The following GUCY1A2 variants were observed in gnomAD, a reference collection of about 807,000 sequenced individuals.
GUCY1A2 encodes guanylate cyclase soluble subunit alpha-2.
In GUCY1A2, 27 loss-of-function variants were observed where a neutral mutation model predicts 63.5. That is an observed-to-expected ratio of 0.43 (90% CI 0.31 to 0.59). The LOEUF (loss-of-function observed/expected upper bound fraction) is 0.59. Among genes scored for constraint, GUCY1A2 ranks in the 20% least tolerant of loss-of-function variants. The pLI is 0.11. For synonymous variants in GUCY1A2, 364 were observed against 343.5 expected, an observed-to-expected ratio of 1.06 and a Z score of -0.66; for missense variants, 768 against 913.3, an observed-to-expected ratio of 0.84 and a Z score of 2.05.
chr11:106,902,882 C>G (rs1265977978), intron 4 of GUCY1A2, among the ~76,000 whole-genome samples: 1 of 152,124 alleles, frequency 6.6e-6, no homozygotes, highest in Non-Finnish European at 1.5e-5. Context: ...AAATACTACA[C>G]TATTTTACAG....
At chr11:106,719,912 T>A (rs1389045244) in intron 6 of GUCY1A2, among the ~76,000 whole-genome samples, 6 of 152,220 alleles carry the variant, frequency 3.9e-5, no homozygotes, top group Non-Finnish European at 8.8e-5. Context: ...CCTCTACTGT[T>A]TGCCCAGGAA....
At chr11:106,985,341 C>G (rs893831461) in intron 2 of GUCY1A2, among the ~76,000 whole-genome samples, 2 of 152,216 alleles carry the variant, frequency 1.3e-5, no homozygotes, top group Non-Finnish European at 2.9e-5. Context: ...TAAATTTAGG[C>G]TTTCATACTT....
chr11:106,982,257 A>G lies in GUCY1A2; in HGVS notation c.366-3517T>C, dbSNP rs370859556. On this transcript the variant is annotated intron_variant, in intron 2 of 7. Transcript: ENST00000526355. Reference sequence around the variant, plus strand: ...GGCACTATGGCAAGAATTATATCAGAAAAAAAGTACCATTATAAACAGACA... The same window carrying G: ...GGCACTATGGCAAGAATTATATCAGGAAAAAAGTACCATTATAAACAGACA... Among the ~76,000 whole-genome samples, 6 of 152,296 alleles carry G rather than the reference A, an allele frequency of 3.9e-5. No individual in the cohort carries two copies. The East Asian group carries it at 7.7e-4, about 20-fold the overall frequency.
At chr11:106,783,033 C>T (rs1591275080) in intron 5 of GUCY1A2, among the ~76,000 whole-genome samples, 2 of 152,104 alleles carry the variant, frequency 1.3e-5, no homozygotes, top group African/African-American at 4.8e-5. Context: ...GGGACATACT[C>T]GAAGATAACC....
At chr11:106,947,564 GTAT>G (rs1565340255) in intron 3 of GUCY1A2, among the ~76,000 whole-genome samples, 1 of 151,940 alleles carries the variant, frequency 6.6e-6, no homozygotes. Context: ...ATGTACATAT[GTAT>G]TATATGTATG....
intron 2 of GUCY1A2, 92 bp downstream of exon 2, chr11:106,985,978 C>T (rs938193063): frequency 2.2e-5 from 17 of 768,986 alleles, no homozygotes; most frequent in Non-Finnish European, 3.5e-5. Flanking sequence ...TCAGGTTGAC[C>T]TGGGTAGCAG....
intron 6 of GUCY1A2, among the ~76,000 whole-genome samples, chr11:106,721,115 G>A (rs983418989): frequency 2.7e-5 from 4 of 149,030 alleles, no homozygotes; most frequent in Non-Finnish European, 5.9e-5. Flanking sequence ...CTGGAGTGCA[G>A]TGGTGCCATC....
chr11:106,871,820 G>A (rs1859682165), intron 4 of GUCY1A2, among the ~76,000 whole-genome samples: 1 of 152,148 alleles, frequency 6.6e-6, no homozygotes, highest in Non-Finnish European at 1.5e-5. Context: ...AATGTACTTT[G>A]ATTTAGAAGA....
At chr11:106,949,952 A>G (rs1475439499) in intron 3 of GUCY1A2, among the ~76,000 whole-genome samples, 1 of 152,240 alleles carries the variant, frequency 6.6e-6, no homozygotes, top group Non-Finnish European at 1.5e-5. Flanking sequence ...TCATATGTCC[A>G]GGCATAATAT....
chr11:106,893,372 A>G (rs1860000268), intron 4 of GUCY1A2, among the ~76,000 whole-genome samples: 1 of 152,208 alleles, frequency 6.6e-6, no homozygotes, highest in African/African-American at 2.4e-5. Context: ...GAAAGAGAAA[A>G]TAATTTAGTC....
chr11:106,991,263 G>A (rs535387699), intron 1 of GUCY1A2, among the ~76,000 whole-genome samples: 63 of 151,964 alleles, frequency 4.1e-4, no homozygotes, highest in African/African-American at 1.4e-3. Context: ...TTCTCAATGC[G>A]CTGGGATTAC....
intron 4 of GUCY1A2, chr11:106,826,599 T>G: frequency 1.9e-6 from 3 of 1,604,228 alleles, no homozygotes; most frequent in African/African-American, 1.3e-5. Flanking sequence ...ATTCATGATC[T>G]GAACCTAAGC....
At position 107,017,756 on chromosome 11, in the gene GUCY1A2, G is replaced by T; in HGVS notation, c.300C>A (p.Pro100=). The part of the protein sequence containing the change: ...LGESISRLTA[P]SPQTIQQTLK... Reference sequence around the variant, plus strand: ...CCCCCTTCCGCCCCCCGCTCACCGAGGGCGCCGTCAGGCGGCTGATGCTCT... The same window carrying T: ...CCCCCTTCCGCCCCCCGCTCACCGATGGCGCCGTCAGGCGGCTGATGCTCT... Residue 100 remains proline (P), a synonymous_variant, in exon 1 of 8, where the codon CCC becomes CCA. Transcript: ENST00000526355. 7.1e-7 allele frequency: 1 copy of T among 1,410,220 alleles called. No individual in the cohort carries two copies. Among genetic ancestry groups the T allele is most frequent in the South Asian group, 1.6e-5 (1 of 64,208 alleles). 87.4% of individuals were successfully genotyped at this position (1,410,220 alleles called of 1,614,324 possible).
chr11:106,716,587 G>A (rs1049228672), intron 6 of GUCY1A2, among the ~76,000 whole-genome samples: 6 of 151,854 alleles, frequency 4.0e-5, no homozygotes, highest in Non-Finnish European at 8.8e-5. Flanking sequence ...AAACTGGCAA[G>A]GGTATGACAG....
At chr11:106,824,886 G>A (rs1381522130) in intron 4 of GUCY1A2, 7 of 1,612,436 alleles carry the variant, frequency 4.3e-6, no homozygotes, top group East Asian at 4.5e-5. Context: ...CCAGAAGAAG[G>A]CTGCAAACAT....
rs539025011 is a variant in GUCY1A2 at position 106,828,388 on chromosome 11, A to G, written c.1207-17910T>C. Among the ~76,000 whole-genome samples, 87 of 152,216 alleles carry G rather than the reference A, an allele frequency of 5.7e-4. 1 individual carries two copies. The highest frequency in any genetic ancestry group is 2.0e-3 in the African/African-American group (85 of 41,554). On this transcript the variant is annotated intron_variant, in intron 4 of 7. Coordinates refer to ENST00000526355, the MANE Select transcript of GUCY1A2 (RefSeq NM_000855.3). ...TTGATTTTTGATTATGATGAGAGAT[A>G]GGAGTTCAGTTGTATTCTTATGTGT...
chr11:106,925,038 A>G (rs762011122), intron 4 of GUCY1A2, among the ~76,000 whole-genome samples: 2 of 152,096 alleles, frequency 1.3e-5, no homozygotes, highest in Non-Finnish European at 2.9e-5. Flanking sequence ...ACCATGTATC[A>G]TCATCATCAC....
At chr11:106,885,099 C>A (rs184317601) in intron 4 of GUCY1A2, among the ~76,000 whole-genome samples, 3 of 152,102 alleles carry the variant, frequency 2.0e-5, no homozygotes, top group Non-Finnish European at 2.9e-5. Flanking sequence ...GAGCAATGTA[C>A]GTCACCAGCT....
chr11:106,755,332 T>G (rs1387155084), intron 6 of GUCY1A2, among the ~76,000 whole-genome samples: 3 of 152,172 alleles, frequency 2.0e-5, no homozygotes, highest in Non-Finnish European at 4.4e-5. Context: ...GGGTTTTTTT[T>G]GTGTCTCTAC....
Sources: gnomAD v4.1 joint callset for allele counts (sites outside exome capture counted in the v4.1 genomes callset) on GRCh38, gnomAD v4.1.1 for gene constraint, MANE v1.5 for transcripts, NCBI Gene and HGNC (gene_info 2026-07-23, HGNC 2026-07-21) for gene names.